PPP6R3: variants seen among roughly 807,000 people sequenced by gnomAD.
PPP6R3 encodes the protein serine/threonine-protein phosphatase 6 regulatory subunit 3.
In PPP6R3, 38 loss-of-function variants were observed where a neutral mutation model predicts 110.7. The ratio of observed to expected loss-of-function variants is 0.34; its 90% confidence interval spans 0.26 to 0.45. The LOEUF is 0.45. Ranked by LOEUF, PPP6R3 falls within the 20% of genes least tolerant of loss-of-function variation. PPP6R3 has a pLI of 1.00. For synonymous variants in PPP6R3, 369 were observed against 373.5 expected (o/e 0.99, Z 0.14); for missense variants, 870 against 1,062.4 (o/e 0.82, Z 2.52).
chr11:68,602,973 C>G (rs1369440536), intron 21 of PPP6R3, among the ~76,000 whole-genome samples: 1 of 152,048 alleles, frequency 6.6e-6, no homozygotes, highest in East Asian at 1.9e-4. Flanking sequence ...AAATAGAGCC[C>G]AACTGAGGAA....
In PPP6R3 at chr11:68,574,189, G is replaced by T; in HGVS notation, c.1424G>T (p.Gly475Val). The change falls in exon 13 of 24, where the codon GGC becomes GTC. Residue 475 changes from glycine (G) to valine (V), a missense_variant. By Grantham distance (109) the Gly-to-Val change is moderately radical. Transcript: ENST00000393800. The stretch of plus-strand genomic sequence containing the variant: ...TGTATCGTGCACAGCACTGACAAGG[G>T]CCCCAACAGTGCATTAGTGCAGCAG... Reference protein sequence around the residue: ...ANCIVHSTDKGPNSALVQQLI... With the variant: ...ANCIVHSTDKVPNSALVQQLI... 6.2e-7 allele frequency: 1 copy of T among 1,613,948 alleles called. No homozygotes were observed. The highest frequency in any genetic ancestry group is 8.5e-7 in the Non-Finnish European group (1 of 1,179,876).
intron 3 of PPP6R3, among the ~76,000 whole-genome samples, chr11:68,544,116 G>A (rs1014541745): frequency 3.9e-5 from 6 of 152,162 alleles, no homozygotes; most frequent in Non-Finnish European, 5.9e-5. Flanking sequence ...TTTTGGTTTT[G>A]ACACAAGGTC....
rs768508729 is a variant in PPP6R3, at chr11:68,614,861, C to T, written c.*1744C>T. 20 of 999,600 alleles carry T rather than the reference C, an allele frequency of 2.0e-5. No homozygotes were observed. In the East Asian group the frequency reaches 2.1e-4, roughly 11 times the overall value. The allele number at this position is 999,600 out of a possible 1,614,324, so 61.9% of individuals were successfully genotyped here. A position where few individuals can be genotyped will look rare whatever the true frequency, so the allele number is the denominator to read the frequency against. ...GCCTGACTTGAATGGCGTTGGACCT[C>T]GGGGATTACTGGTAGATAATATGCT... On this transcript the variant is annotated 3_prime_UTR_variant, in exon 24 of 24. Transcript: ENST00000393800.
At chr11:68,565,347 G>T (rs568767188) in intron 9 of PPP6R3, among the ~76,000 whole-genome samples, 1 of 151,708 alleles carries the variant, frequency 6.6e-6, no homozygotes, top group Non-Finnish European at 1.5e-5. Flanking sequence ...CACAGTTTGC[G>T]TTACTCTGCT....
intron 9 of PPP6R3, among the ~76,000 whole-genome samples, chr11:68,565,589 G>A (rs1414525653): frequency 6.6e-6 from 1 of 151,910 alleles, no homozygotes; most frequent in East Asian, 1.9e-4. Context: ...GATCTGACAG[G>A]GAAGAAGGTG....
chr11:68,570,774 T>A (rs540529509), intron 11 of PPP6R3, among the ~76,000 whole-genome samples: 1 of 152,338 alleles, frequency 6.6e-6, no homozygotes, highest in East Asian at 1.9e-4. Flanking sequence ...CTGGCTTTCC[T>A]TTATAGTTAA....
Position 68,576,040 on chromosome 11 carries a change from T to C in PPP6R3, c.1542T>C (p.Asp514=), listed in dbSNP as rs779605672. 3 of 1,598,750 alleles carry C rather than the reference T, an allele frequency of 1.9e-6. No homozygotes were observed. Among genetic ancestry groups the C allele is most frequent in the Non-Finnish European group, 2.6e-6 (3 of 1,167,784 alleles). Residue 514 remains aspartate (D), a synonymous_variant, in exon 14 of 24, where the codon GAT becomes GAC. Transcript: ENST00000393800. ...LGETNKRNTV[D]LVTTCHIHSS... ...AAACTAACAAGAGGAACACGGTAGATCTAGTAGGTTTTACAAGGTTACATT... is the reference window on the plus strand; with the variant it reads ...AAACTAACAAGAGGAACACGGTAGACCTAGTAGGTTTTACAAGGTTACATT...
chr11:68,582,828 A>C (rs1282766901), intron 14 of PPP6R3, among the ~76,000 whole-genome samples: 1 of 152,222 alleles, frequency 6.6e-6, no homozygotes, highest in Non-Finnish European at 1.5e-5. Context: ...GAGTGGAATA[A>C]CTAGAAGGGA....
chr11:68,486,721 A>G (rs1468485655), intron 1 of PPP6R3, among the ~76,000 whole-genome samples: 1 of 151,890 alleles, frequency 6.6e-6, no homozygotes, highest in Non-Finnish European at 1.5e-5. Flanking sequence ...CAGTGAACCC[A>G]TGTGCGCCTA....
chr11:68,520,176 C>G (rs1379766489), intron 2 of PPP6R3, among the ~76,000 whole-genome samples: 4 of 152,184 alleles, frequency 2.6e-5, no homozygotes, highest in Admixed American at 6.5e-5. Context: ...AGAAGTGGCG[C>G]AGTAGGTCCT....
chr11:68,543,477 T>C (rs769186549), intron 3 of PPP6R3, among the ~76,000 whole-genome samples: 9 of 152,150 alleles, frequency 5.9e-5, no homozygotes, highest in Non-Finnish European at 1.0e-4. Context: ...CTTCTGTCTT[T>C]AGGCCTCACA....
chr11:68,598,944 G>A (rs548184651), intron 19 of PPP6R3, among the ~76,000 whole-genome samples: 4 of 152,120 alleles, frequency 2.6e-5, no homozygotes, highest in Admixed American at 1.3e-4. Flanking sequence ...AGCATGGAGC[G>A]CACCCTAATT....
At chr11:68,566,237 G>GCTGCTGCT (rs2099467571) in intron 9 of PPP6R3, among the ~76,000 whole-genome samples, 2 of 151,152 alleles carry the variant, frequency 1.3e-5, no homozygotes, top group Admixed American at 6.6e-5. Flanking sequence ...CCACCACCAC[G>GCTGCTGCT]GCTGCTGCTG....
intron 22 of PPP6R3, chr11:68,609,655 T>C: frequency 6.4e-7 from 1 of 1,556,212 alleles, no homozygotes; most frequent in South Asian, 1.2e-5. Flanking sequence ...GGGACCGTTC[T>C]TTATCAGACG....
At chr11:68,602,085 G>A in intron 21 of PPP6R3, 116 bp downstream of exon 21, 7 of 725,332 alleles carry the variant, frequency 9.7e-6, no homozygotes, top group South Asian at 1.9e-5. Context: ...TGGGTCTGAT[G>A]TCCACAGGGC....
chr11:68,614,640 A>G lies in PPP6R3; in HGVS notation c.*1523A>G. On this transcript the variant is annotated 3_prime_UTR_variant, in exon 24 of 24. Coordinates refer to ENST00000393800, the MANE Select transcript of PPP6R3 (RefSeq NM_001164161.2). ...TCCTTTTTCATTTTAAGTGGTGTGG[A>G]GATTCCAGCACTCCCAGGACAGTGG... 1 of 1,517,492 alleles carries G rather than the reference A, an allele frequency of 6.6e-7. No homozygotes were observed. The allele number at this position is 1,517,492 out of a possible 1,614,324, so 94.0% of individuals were successfully genotyped here. A position where few individuals can be genotyped will look rare whatever the true frequency, so the allele number is the denominator to read the frequency against.
chr11:68,522,141 A>G (rs1188340251), intron 2 of PPP6R3, among the ~76,000 whole-genome samples: 1 of 152,240 alleles, frequency 6.6e-6, no homozygotes, highest in Non-Finnish European at 1.5e-5. Flanking sequence ...TACATAGTAA[A>G]TTAATCATTT....
intron 5 of PPP6R3, among the ~76,000 whole-genome samples, chr11:68,548,960 G>A (rs1216546252): frequency 1.3e-5 from 2 of 151,968 alleles, no homozygotes; most frequent in African/African-American, 2.4e-5. Context: ...GCGTGATCTC[G>A]GCTCACTGCA....
chr11:68,520,100 T>C (rs1051967163), intron 2 of PPP6R3, among the ~76,000 whole-genome samples: 2 of 152,212 alleles, frequency 1.3e-5, no homozygotes, highest in African/African-American at 4.8e-5. Context: ...GAAGTTTTTA[T>C]TAAAGATTAG....
Sources: gnomAD v4.1 joint callset for allele counts (sites outside exome capture counted in the v4.1 genomes callset) on GRCh38, gnomAD v4.1.1 for gene constraint, MANE v1.5 for transcripts, NCBI Gene and HGNC (gene_info 2026-07-23, HGNC 2026-07-21) for gene names.